The following GRAMD1B variants were observed in gnomAD, a reference collection of about 807,000 sequenced individuals.
GRAMD1B encodes the protein GRAM domain containing 1B.
Under a neutral mutation model 99.7 loss-of-function variants are expected in GRAMD1B, and 37 were observed. That is an observed-to-expected ratio of 0.37 (90% confidence interval 0.29 to 0.49). The LOEUF (loss-of-function observed/expected upper bound fraction) is 0.49, where lower values mean the gene tolerates loss of function less well. Among genes scored for constraint, GRAMD1B ranks in the 20% least tolerant of loss-of-function variants. GRAMD1B has a pLI of 0.98. For missense variants in GRAMD1B, 888 were observed against 1,009.2 expected, an observed-to-expected ratio of 0.88 and a Z score of 1.63; for synonymous variants, 427 against 387.6, an observed-to-expected ratio of 1.10 and a Z score of -1.19.
chr11:123,558,116 T>G (rs747982740), intron 2 of GRAMD1B, among the ~76,000 whole-genome samples: 2 of 151,712 alleles, frequency 1.3e-5, no homozygotes, highest in Admixed American at 6.6e-5. Context: ...CCCGAGTAGC[T>G]GGGATTACAA....
chr11:123,589,134 C>G (rs535659695), intron 4 of GRAMD1B, among the ~76,000 whole-genome samples: 167 of 151,426 alleles, frequency 1.1e-3, no homozygotes, highest in African/African-American at 4.0e-3. Flanking sequence ...CTTCTGCTTG[C>G]GGCATCATGT....
rs545257936 is a variant in GRAMD1B, at chr11:123,603,555, A to G, written c.1166+14A>G. ...CAACACAATGGGGTGAGTGAGGCCA[A>G]GGGCGGCTGCCCAGAGGCAGCCGTG... On this transcript the variant is annotated intron_variant, in intron 9 of 19. Coordinates refer to ENST00000635736, the MANE Select transcript of GRAMD1B (RefSeq NM_001387025.1). 3 of 1,537,276 alleles carry G rather than the reference A, an allele frequency of 2.0e-6. No individual in the cohort carries two copies. The highest frequency in any genetic ancestry group is 4.5e-5 in the East Asian group (2 of 44,534).
intron 2 of GRAMD1B, among the ~76,000 whole-genome samples, chr11:123,525,192 C>T (rs1942582594): frequency 6.6e-6 from 1 of 152,220 alleles, no homozygotes; most frequent in South Asian, 2.1e-4. Flanking sequence ...GCTGCCTCAC[C>T]CTGCGTCCCA....
intron 2 of GRAMD1B, among the ~76,000 whole-genome samples, chr11:123,555,015 T>C (rs948779420): frequency 2.6e-5 from 4 of 152,260 alleles, no homozygotes; most frequent in African/African-American, 7.2e-5. Flanking sequence ...GTGAAACTCA[T>C]TGGGAGGCTG....
At chr11:123,384,212 A>G (rs1002096885) in intron 1 of GRAMD1B, among the ~76,000 whole-genome samples, 1 of 152,110 alleles carries the variant, frequency 6.6e-6, no homozygotes, top group African/African-American at 2.4e-5. Flanking sequence ...TATTGCCCTA[A>G]GTGTCTTACC....
intron 7 of GRAMD1B, chr11:123,598,614 T>A: frequency 6.9e-7 from 1 of 1,447,418 alleles, no homozygotes. Context: ...CTGGGCTCGC[T>A]CTTCTGGGAT....
intron 3 of GRAMD1B, among the ~76,000 whole-genome samples, chr11:123,579,848 G>C (rs1362897842): frequency 1.3e-5 from 2 of 152,220 alleles, no homozygotes; most frequent in Non-Finnish European, 2.9e-5. Context: ...GTAGAATTCT[G>C]AGTGGGGTTT....
In GRAMD1B at chr11:123,448,905, C is replaced by A. The variant is rs189878205; in HGVS notation, c.374+17739C>A. On this transcript the variant is annotated intron_variant, in intron 1 of 19. Transcript: ENST00000635736. ...AGCCCCTCTCCTGTGCTTCTTCTCTCTGCAGCCAGAAAGGTCTTCATAACC... is the reference window on the plus strand; with the variant it reads ...AGCCCCTCTCCTGTGCTTCTTCTCTATGCAGCCAGAAAGGTCTTCATAACC... 3.7e-3 allele frequency among the ~76,000 whole-genome samples: 565 copies of A among 152,314 alleles called. 2 individuals carry two copies. The highest frequency in any genetic ancestry group is 0.013 in the African/African-American group (540 of 41,572).
At chr11:123,570,401 GTCTT>G (rs1282981399) in intron 2 of GRAMD1B, among the ~76,000 whole-genome samples, 1 of 148,126 alleles carries the variant, frequency 6.8e-6, no homozygotes, top group African/African-American at 2.5e-5. Flanking sequence ...AGGAACAAGA[GTCTT>G]TATTTTTTTT....
chr11:123,433,124 C>T (rs1269203683), intron 1 of GRAMD1B, among the ~76,000 whole-genome samples: 2 of 150,890 alleles, frequency 1.3e-5, no homozygotes, highest in Non-Finnish European at 2.9e-5. Context: ...GAGGCTGAGG[C>T]GGGAGGGTCA....
chr11:123,535,909 CAG>C (rs1192029564), intron 2 of GRAMD1B, among the ~76,000 whole-genome samples: 1 of 152,062 alleles, frequency 6.6e-6, no homozygotes, highest in Non-Finnish European at 1.5e-5. Flanking sequence ...GTCTGGGTTT[CAG>C]AGTCTCCCAC....
intron 2 of GRAMD1B, among the ~76,000 whole-genome samples, chr11:123,513,578 T>C (rs59803835): frequency 0.054 from 2,260 of 41,476 alleles, 180 homozygotes; most frequent in East Asian, 0.13. Context: ...CCTTCCTTCC[T>C]TTCCTTCCTT....
chr11:123,602,096 A>G (rs1441278606), intron 8 of GRAMD1B, among the ~76,000 whole-genome samples: 1 of 152,168 alleles, frequency 6.6e-6, no homozygotes, highest in African/African-American at 2.4e-5. Context: ...GGTCCAGGAG[A>G]GAAGGAGGTG....
At chr11:123,527,183 T>C (rs1394420085) in intron 2 of GRAMD1B, among the ~76,000 whole-genome samples, 1 of 151,952 alleles carries the variant, frequency 6.6e-6, no homozygotes, top group African/African-American at 2.4e-5. Context: ...ACGCGTGGGG[T>C]GGGGTGGCGG....
chr11:123,616,103 C>T (rs1240178031), intron 17 of GRAMD1B, among the ~76,000 whole-genome samples: 1 of 152,172 alleles, frequency 6.6e-6, no homozygotes, highest in Non-Finnish European at 1.5e-5. Flanking sequence ...GCAGGCGGAT[C>T]ATGAGGTCAG....
chr11:123,377,597 T>A (rs74558842), intron 1 of GRAMD1B, among the ~76,000 whole-genome samples: 96 of 152,158 alleles, frequency 6.3e-4, no homozygotes, highest in African/African-American at 2.3e-3. Context: ...AGGGAAAGGG[T>A]GGCTATTGTC....
At chr11:123,434,113 C>T (rs1328159560) in intron 1 of GRAMD1B, among the ~76,000 whole-genome samples, 5 of 151,466 alleles carry the variant, frequency 3.3e-5, no homozygotes, top group African/African-American at 1.2e-4. Flanking sequence ...ACCTGTAGTC[C>T]CAGCTACTCG....
chr11:123,399,080 ACTC>A (rs1271971186), intron 1 of GRAMD1B, among the ~76,000 whole-genome samples: 2 of 152,012 alleles, frequency 1.3e-5, no homozygotes, highest in African/African-American at 4.8e-5. Flanking sequence ...CTTGACTTAT[ACTC>A]CTCATTTCCC....
At chr11:123,487,348 G>C (rs537896931) in intron 2 of GRAMD1B, among the ~76,000 whole-genome samples, 5 of 152,310 alleles carry the variant, frequency 3.3e-5, no homozygotes, top group Admixed American at 6.5e-5. Flanking sequence ...GTAGGAGTCT[G>C]TCACATGGAC....
Sources: gnomAD v4.1 joint callset for allele counts (sites outside exome capture counted in the v4.1 genomes callset) on GRCh38, gnomAD v4.1.1 for gene constraint, MANE v1.5 for transcripts, NCBI Gene and HGNC (gene_info 2026-07-23, HGNC 2026-07-21) for gene names.